Variants in CAPN9 observed in about 807,000 individuals in gnomAD.
CAPN9 encodes the protein calpain 9, also known as calpain-9.
In CAPN9, 81 loss-of-function variants were observed where a neutral mutation model predicts 92.8. The observed-to-expected ratio is 0.87, with a 90% CI of 0.73 to 1.05. The LOEUF (loss-of-function observed/expected upper bound fraction) is 1.05, where lower values mean the gene tolerates loss of function less well. Ranked by LOEUF, CAPN9 falls within the 50% of genes least tolerant of loss-of-function variation. The probability of loss-of-function intolerance (pLI) is 0.00; values close to 1 mark genes in which losing one functional copy is unlikely to be tolerated. For synonymous variants in CAPN9, 304 were observed against 328.0 expected (o/e 0.93, Z 0.79); for missense variants, 848 against 866.2 (o/e 0.98, Z 0.26).
intron 5 of CAPN9, among the ~76,000 whole-genome samples, chr1:230,768,659 T>C (rs932537567): frequency 1.3e-5 from 2 of 152,200 alleles, no homozygotes; most frequent in African/African-American, 4.8e-5. Context: ...TTATCTCATC[T>C]TTTTAAAACT....
intron 11 of CAPN9, among the ~76,000 whole-genome samples, chr1:230,785,499 A>C (rs1312473373): frequency 5.3e-5 from 8 of 151,998 alleles, no homozygotes; most frequent in Non-Finnish European, 1.5e-5. Flanking sequence ...CACGATAGTG[A>C]GTTTGCACGA....
chr1:230,786,254 C>G, intron 12 of CAPN9: 2 of 685,630 alleles, frequency 2.9e-6, no homozygotes, highest in Non-Finnish European at 3.6e-6. Flanking sequence ...AAGTTCTGTT[C>G]GATGTCATCT....
At position 230,780,548 on chromosome 1, in the gene CAPN9, G is replaced by A. The variant is rs373035598; in HGVS notation, c.1321G>A (p.Ala441Thr). The A allele has an allele frequency of 3.3e-5, 53 of 1,614,040 alleles. No homozygotes were observed. Among genetic ancestry groups the A allele is most frequent in the African/African-American group, 5.3e-5 (4 of 74,918 alleles). Residue 441 changes from alanine to threonine, a missense_variant, in exon 11 of 20, where the codon GCT (alanine) becomes ACT (threonine). By Grantham distance (58) the Ala-to-Thr change is moderately conservative (BLOSUM62 0). Coordinates refer to ENST00000271971, the MANE Select transcript of CAPN9 (RefSeq NM_006615.3). ...HLNKDFFRYH[A>T]SRARSKTFIN... ...GAACAAAGACTTCTTCAGATACCAC[G>A]CTTCTCGGGCCAGAAGCAAGACGTT...
At chr1:230,767,085 A>G (rs1465675832) in intron 4 of CAPN9, among the ~76,000 whole-genome samples, 1 of 152,178 alleles carries the variant, frequency 6.6e-6, no homozygotes, top group Non-Finnish European at 1.5e-5. Flanking sequence ...ACCAGAGAAG[A>G]AGGGAAAGGG....
At chr1:230,753,609 G>A (rs1324188254) in intron 1 of CAPN9, among the ~76,000 whole-genome samples, 1 of 152,166 alleles carries the variant, frequency 6.6e-6, no homozygotes, top group African/African-American at 2.4e-5. Context: ...CGGGGAAGGC[G>A]GCGCAGCTTG....
Position 230,798,176 on chromosome 1 carries a change from C to G in CAPN9, c.2002C>G (p.Leu668Val), listed in dbSNP as rs142958578. ...TCTCCTATCAGGGGTGTTCCAGGCT[C>G]TCAGTACAAAGAACAAGGAGTTCAT... is the stretch of plus-strand genomic sequence containing the variant. Reference protein sequence around the residue: ...LENASRVFQALSTKNKEFIHL... With the variant: ...LENASRVFQAVSTKNKEFIHL... The change falls in exon 19 of 20, where the codon CTC becomes GTC. Residue 668 changes from leucine (L) to valine (V), a missense_variant. Transcript: ENST00000271971. 1.9e-6 allele frequency: 3 copies of G among 1,610,694 alleles called. No individual in the cohort carries two copies. The highest frequency in any genetic ancestry group is 1.3e-5 in the African/African-American group (1 of 74,840).
At chr1:230,771,723 A>G (rs958860322) in intron 6 of CAPN9, among the ~76,000 whole-genome samples, 2 of 152,180 alleles carry the variant, frequency 1.3e-5, no homozygotes, top group African/African-American at 4.8e-5. Context: ...CATATGGACT[A>G]ATTTCTTGTT....
chr1:230,751,914 C>T (rs1664872872), intron 1 of CAPN9, among the ~76,000 whole-genome samples: 1 of 151,850 alleles, frequency 6.6e-6, no homozygotes, highest in Non-Finnish European at 1.5e-5. Context: ...CTTCAGGCAG[C>T]AGTCTAGGTT....
intron 8 of CAPN9, among the ~76,000 whole-genome samples, chr1:230,777,145 A>G (rs1198789044): frequency 1.3e-5 from 2 of 152,234 alleles, no homozygotes; most frequent in Non-Finnish European, 2.9e-5. Flanking sequence ...CAGGAGGTAG[A>G]AACCAGAGTT....
At chr1:230,783,928 G>T (rs1423248160) in intron 11 of CAPN9, among the ~76,000 whole-genome samples, 2 of 152,208 alleles carry the variant, frequency 1.3e-5, no homozygotes, top group African/African-American at 2.4e-5. Flanking sequence ...GGCTGCCGAG[G>T]TCTCAGATGG....
In CAPN9 at chr1:230,792,903, A is replaced by G. The variant is rs1408371759; in HGVS notation, c.1845A>G (p.Glu615=). The change falls in exon 17 of 20, where the codon GAA becomes GAG. Residue 615 remains glutamate (E), a synonymous_variant. Transcript: ENST00000271971. ...AGTCCGGCACCATGTCTACCTATGA[A>G]CTACGGACTGCACTGAAAGCTGCAG... ...ADKSGTMSTY[E]LRTALKAAGF... is the part of the protein sequence containing the mutation. 6.2e-7 allele frequency: 1 copy of G among 1,613,940 alleles called. No individual in the cohort carries two copies. Among genetic ancestry groups the G allele is most frequent in the Non-Finnish European group, 8.5e-7 (1 of 1,179,846 alleles).
At chr1:230,751,516 A>T (rs1240597118) in intron 1 of CAPN9, among the ~76,000 whole-genome samples, 2 of 148,276 alleles carry the variant, frequency 1.3e-5, no homozygotes, top group Non-Finnish European at 3.0e-5. Flanking sequence ...AGAAGGAAGG[A>T]AGGAGAGAAA....
At position 230,780,539 on chromosome 1, in the gene CAPN9, A is replaced by G. The variant is rs1667146960; in HGVS notation, c.1312A>G (p.Arg438Gly). The change falls in exon 11 of 20, where the codon AGA becomes GGA. Residue 438 changes from arginine (R) to glycine (G), a missense_variant. Coordinates refer to ENST00000271971, the MANE Select transcript of CAPN9 (RefSeq NM_006615.3). Reference sequence around the variant, plus strand: ...CGAACACCTGAACAAAGACTTCTTCAGATACCACGCTTCTCGGGCCAGAAG... The same window carrying G: ...CGAACACCTGAACAAAGACTTCTTCGGATACCACGCTTCTCGGGCCAGAAG... ...KDEHLNKDFF[R>G]YHASRARSKT... 6.2e-7 allele frequency: 1 copy of G among 1,614,182 alleles called. No individual in the cohort carries two copies. Among genetic ancestry groups the G allele is most frequent in the South Asian group, 1.1e-5 (1 of 91,076 alleles).
At chr1:230,799,731 C>A (rs918396838) in intron 19 of CAPN9, among the ~76,000 whole-genome samples, 3 of 152,162 alleles carry the variant, frequency 2.0e-5, no homozygotes, top group African/African-American at 2.4e-5. Context: ...ACAAATTATT[C>A]TTTTATGAAA....
chr1:230,768,876 C>G (rs1403993431), intron 5 of CAPN9, among the ~76,000 whole-genome samples: 1 of 152,162 alleles, frequency 6.6e-6, no homozygotes, highest in East Asian at 1.9e-4. Context: ...ATTGTGTCTT[C>G]TCTCTCACAC....
At chr1:230,772,947 C>G (rs1459465591) in intron 7 of CAPN9, among the ~76,000 whole-genome samples, 2 of 151,946 alleles carry the variant, frequency 1.3e-5, no homozygotes, top group Admixed American at 6.6e-5. Context: ...TGTGTGGGTG[C>G]GTGGCAGGGC....
intron 16 of CAPN9, 123 bp from the exon 17 acceptor site, chr1:230,792,727 C>G: frequency 1.2e-6 from 1 of 847,834 alleles, no homozygotes; most frequent in South Asian, 1.5e-5. Context: ...AAGGCCCAGT[C>G]CAACTGTGGC....
intron 14 of CAPN9, 163 bp downstream of exon 14, chr1:230,790,352 A>G: frequency 1.0e-6 from 1 of 978,018 alleles, no homozygotes; most frequent in Non-Finnish European, 1.2e-6. Flanking sequence ...CCTGATTCCA[A>G]AAACGATGCA....
intron 1 of CAPN9, among the ~76,000 whole-genome samples, chr1:230,749,096 C>T (rs1299188351): frequency 2.0e-5 from 3 of 152,150 alleles, no homozygotes; most frequent in Non-Finnish European, 4.4e-5. Flanking sequence ...TCTTCACCTG[C>T]CAGGTAATTG....
Sources: allele counts gnomAD v4.1 joint callset (sites outside exome capture counted in the v4.1 genomes callset), GRCh38; gene constraint gnomAD v4.1.1; transcripts MANE v1.5; gene names NCBI Gene and HGNC (gene_info 2026-07-23, HGNC 2026-07-21).